Variants in TCHH observed in about 807,000 individuals in gnomAD.
The protein encoded by TCHH is trichohyalin.
In TCHH, 6 loss-of-function variants were observed where a neutral mutation model predicts 6.3. That is an observed-to-expected ratio of 0.95 (90% CI 0.52 to 1.88). The LOEUF is 1.88. Among genes scored for constraint, TCHH ranks in the 40% most tolerant of loss-of-function variants. TCHH has a pLI of 0.01. For missense variants in TCHH, 2,920 were observed against 2,449.1 expected (o/e 1.19, Z -4.06); for synonymous variants, 1,087 against 963.6 (o/e 1.13, Z -2.37).
Position 152,109,288 on chromosome 1 carries a change from C to G in TCHH, c.3929G>C (p.Arg1310Pro). 6.2e-7 allele frequency: 1 copy of G among 1,614,214 alleles called. No homozygotes were observed. The highest frequency in any genetic ancestry group is 8.5e-7 in the Non-Finnish European group (1 of 1,180,036). Residue 1310 changes from arginine (R) to proline (P), a missense_variant, in exon 3 of 3, where the codon CGC becomes CCC. Physicochemically the swap from Arg to Pro is moderately radical, Grantham distance 103. Coordinates refer to ENST00000614923, the MANE Select transcript of TCHH (RefSeq NM_007113.4). ...EREEQKEAKRRDRKSQEEKQL... is the reference protein window; with the variant it reads ...EREEQKEAKRPDRKSQEEKQL... Reference sequence around the variant, plus strand: ...CTTTTCCTCTTGGGACTTCCTGTCGCGCCTTTTGGCTTCCTTTTGCTCTTC... The same window carrying G: ...CTTTTCCTCTTGGGACTTCCTGTCGGGCCTTTTGGCTTCCTTTTGCTCTTC...
chr1:152,111,215 GC>G lies in TCHH; in HGVS notation c.2001del (p.Arg667SerfsTer6). 1 of 1,610,178 alleles carries G rather than the reference GC, an allele frequency of 6.2e-7. No homozygotes were observed. Among genetic ancestry groups the G allele is most frequent in the South Asian group, 1.1e-5 (1 of 90,694 alleles). On this transcript the variant is annotated frameshift_variant, in exon 3 of 3. Coordinates refer to ENST00000614923, the MANE Select transcript of TCHH (RefSeq NM_007113.4). LOFTEE classifies it low-confidence loss of function (END_TRUNC). Reference sequence around the variant, plus strand: ...TGCTCGCGCTTCAGCCGCTGCTCGAGCCTCTCTTCCTCCTCCTCGCGCTTCA... The same window carrying G: ...TGCTCGCGCTTCAGCCGCTGCTCGAGCTCTCTTCCTCCTCCTCGCGCTTCA... ...QRLKREEEEE[R>X]LEQRLKREHE...
chr1:152,114,343 T>G (rs1658460611), intron 1 of TCHH, among the ~76,000 whole-genome samples: 1 of 152,256 alleles, frequency 6.6e-6, no homozygotes, highest in African/African-American at 2.4e-5. Context: ...CAGCTTTTGA[T>G]TGTCCACCCA....
chr1:152,111,802 C>T lies in TCHH; in HGVS notation c.1415G>A (p.Arg472His), dbSNP rs373644325. ...CTGGTCGCGCTTCAGCTGCTGCTTG[C>T]GCCTCTCCTGCTCGTGCCTCTCCGT... ...EETERHEQER[R>H]KQQLKRDQEE... Residue 472 changes from arginine (R) to histidine (H), a missense_variant, in exon 3 of 3, where the codon CGC becomes CAC. Coordinates refer to ENST00000614923, the MANE Select transcript of TCHH (RefSeq NM_007113.4). The T allele has an allele frequency of 1.5e-5, 24 of 1,592,576 alleles. No homozygotes were observed. Among genetic ancestry groups the T allele is most frequent in the Non-Finnish European group, 2.0e-5 (24 of 1,172,326 alleles).
At position 152,109,187 on chromosome 1, in the gene TCHH, G is replaced by A. The variant is rs1658230164; in HGVS notation, c.4030C>T (p.Leu1344=). The A allele has an allele frequency of 1.2e-6, 2 of 1,614,034 alleles. No individual in the cohort carries two copies. Among genetic ancestry groups the A allele is most frequent in the South Asian group, 1.1e-5 (1 of 91,084 alleles). ...GGCTGTTCCTCCCTTTCCTGGAGCA[G>A]CTGTTCCTCCTCGCGGAATTTTCTG... ...TDRKFREEEQ[L]LQEREEQPLR... is the part of the protein sequence containing the mutation. Residue 1344 remains leucine (L), a synonymous_variant, in exon 3 of 3, where the codon CTG becomes TTG. Transcript: ENST00000614923.
At position 152,112,184 on chromosome 1, in the gene TCHH, C is replaced by G. The variant is rs1326751421; in HGVS notation, c.1033G>C (p.Glu345Gln). 16 of 1,518,028 alleles carry G rather than the reference C, an allele frequency of 1.1e-5. No homozygotes were observed. The highest frequency in any genetic ancestry group is 1.8e-4 in the Middle Eastern group (1 of 5,616). 94.0% of individuals were successfully genotyped at this position (1,518,028 alleles called of 1,614,324 possible). A position where few individuals can be genotyped will look rare whatever the true frequency, so the allele number is the denominator to read the frequency against. Reference sequence around the variant, plus strand: ...CGCCTCAGCTGCTGCTCGCGCCTCTCCTCCTGCTCGCGCCTCAGCTGCTGC... The same window carrying G: ...CGCCTCAGCTGCTGCTCGCGCCTCTGCTCCTGCTCGCGCCTCAGCTGCTGC... ...REQQLRREQE[E>Q]RREQQLRREQ... The change falls in exon 3 of 3, where the codon GAG (glutamate) becomes CAG (glutamine). Residue 345 changes from glutamate (E) to glutamine (Q), a missense_variant. By Grantham distance (29) the Glu-to-Gln change is conservative. Coordinates refer to ENST00000614923, the MANE Select transcript of TCHH (RefSeq NM_007113.4).
At position 152,112,831 on chromosome 1, in the gene TCHH, A is replaced by G. The variant is rs202181809; in HGVS notation, c.386T>C (p.Leu129Pro). The part of the protein sequence containing the change: ...QRRFEPRDRQ[L>P]EEEPGQRRRQ... ...GCGTCGTTGCCCAGGTTCTTCTTCC[A>G]GTTGTCTGTCCCGGGGCTCGAATCT... The change falls in exon 3 of 3, where the codon CTG becomes CCG. Residue 129 changes from leucine to proline, a missense_variant. Physicochemically the swap from Leu to Pro is moderately conservative, Grantham distance 98 (BLOSUM62 -3). Transcript: ENST00000614923. 2.8e-4 allele frequency: 457 copies of G among 1,613,500 alleles called. 1 individual carries two copies. Among genetic ancestry groups the G allele is most frequent in the Middle Eastern group, 1.5e-3 (9 of 6,062 alleles).
intron 2 of TCHH, 111 bp downstream of exon 2, chr1:152,113,832 C>A: frequency 8.0e-7 from 1 of 1,250,910 alleles, no homozygotes; most frequent in Non-Finnish European, 1.1e-6. Flanking sequence ...GTAGTGTAGA[C>A]CTGTTGTGGT....
rs1658242323 is a variant in TCHH, at chr1:152,109,470, C to G, written c.3747G>C (p.Gln1249His). 1 of 1,614,282 alleles carries G rather than the reference C, an allele frequency of 6.2e-7. No individual in the cohort carries two copies. The highest frequency in any genetic ancestry group is 1.3e-5 in the African/African-American group (1 of 75,084). ...GCTGGGAATCTTCCAACTGCCGGAA[C>G]TGTTCATTCTCTCTGCCTTTGCAGT... ...KVYCKGRENEQFRQLEDSQLR... is the reference protein window; with the variant it reads ...KVYCKGRENEHFRQLEDSQLR... The change falls in exon 3 of 3, where the codon CAG becomes CAC. Residue 1249 changes from glutamine to histidine, a missense_variant. Gln to His is a conservative substitution (Grantham distance 24). Transcript: ENST00000614923.
rs750091152 is a variant in TCHH, at chr1:152,111,464, TCTC to T, written c.1750_1752del (p.Glu584del). 26 of 1,571,648 alleles carry T rather than the reference TCTC, an allele frequency of 1.7e-5. No homozygotes were observed. The East Asian group carries it at 4.7e-4, about 28-fold the overall frequency. On this transcript the variant is annotated inframe_deletion, in exon 3 of 3. Coordinates refer to ENST00000614923, the MANE Select transcript of TCHH (RefSeq NM_007113.4). ...TCGCGCTTCAGCCGCTGCTGGCGCC[TCTC>T]CTCCTCGCGCTTCAGCAGCTGATCG...
Position 152,108,064 on chromosome 1 carries a change from C to T in TCHH, c.5153G>A (p.Arg1718His), listed in dbSNP as rs762903467. 6 of 1,613,756 alleles carry T rather than the reference C, an allele frequency of 3.7e-6. No individual in the cohort carries two copies. The highest frequency in any genetic ancestry group is 5.1e-6 in the Non-Finnish European group (6 of 1,179,894). The change falls in exon 3 of 3, where the codon CGC becomes CAC. Residue 1718 changes from arginine (R) to histidine (H), a missense_variant. Physicochemically the swap from Arg to His is conservative, Grantham distance 29. Coordinates refer to ENST00000614923, the MANE Select transcript of TCHH (RefSeq NM_007113.4). ...KFLQEEQQLR[R>H]QELERKFREE... ...ACGGAATTTTCTCTCCAGTTCCTGG[C>T]GGCGCAGCTGCTGTTCCTCCTGGAG... is the stretch of plus-strand genomic sequence containing the variant.
At position 152,107,965 on chromosome 1, in the gene TCHH, T is replaced by G. The variant is rs370174946; in HGVS notation, c.5252A>C (p.Glu1751Ala). ...CCTTTCCGGACGGAGCTGCTCTTCC[T>G]CTAGGATTTTTCTGTAGCGTTCTTG... ...RRQERYRKILEEEQLRPEREE... is the reference protein window; with the variant it reads ...RRQERYRKILAEEQLRPEREE... The change falls in exon 3 of 3, where the codon GAG becomes GCG. Residue 1751 changes from glutamate (E) to alanine (A), a missense_variant. Coordinates refer to ENST00000614923, the MANE Select transcript of TCHH (RefSeq NM_007113.4). 12 of 1,613,306 alleles carry G rather than the reference T, an allele frequency of 7.4e-6. No homozygotes were observed. The highest frequency in any genetic ancestry group is 1.6e-4 in the Middle Eastern group (1 of 6,078).
chr1:152,109,356 C>G lies in TCHH; in HGVS notation c.3861G>C (p.Gln1287His). 6.2e-7 allele frequency: 1 copy of G among 1,614,268 alleles called. No individual in the cohort carries two copies. Among genetic ancestry groups the G allele is most frequent in the Non-Finnish European group, 8.5e-7 (1 of 1,180,054 alleles). ...RDREQERRRWQQRDRHFPEEE... is the reference protein window; with the variant it reads ...RDREQERRRWHQRDRHFPEEE... ...CCTCTGGGAAATGCCTGTCGCGCTG[C>G]TGCCAGCGCCTCCTCTCTTGCTCAC... Residue 1287 changes from glutamine to histidine, a missense_variant, in exon 3 of 3, where the codon CAG becomes CAC. Gln to His is a conservative substitution (Grantham distance 24). Coordinates refer to ENST00000614923, the MANE Select transcript of TCHH (RefSeq NM_007113.4).
chr1:152,113,868 C>A, intron 2 of TCHH, 75 bp downstream of exon 2: 1 of 1,540,752 alleles, frequency 6.5e-7, no homozygotes, highest in Non-Finnish European at 8.8e-7. Flanking sequence ...AACCACCATT[C>A]CTTGCTCTGG....
rs1234209636 is a variant in TCHH at position 152,109,611 on chromosome 1, C to G, written c.3606G>C (p.Glu1202Asp). 2 of 1,614,122 alleles carry G rather than the reference C, an allele frequency of 1.2e-6. No individual in the cohort carries two copies. The highest frequency in any genetic ancestry group is 1.6e-4 in the Middle Eastern group (1 of 6,062). ...TCCTTTTCTGGCGCTGAAGCTCTTC[C>G]TCCTCCCGATACTGCCTCTCCCGCT... ...RQERERQYRE[E>D]EELQRQKRKQ... Residue 1202 changes from glutamate (E) to aspartate (D), a missense_variant, in exon 3 of 3, where the codon GAG becomes GAC. By Grantham distance (45) the Glu-to-Asp change is conservative (BLOSUM62 2). Coordinates refer to ENST00000614923, the MANE Select transcript of TCHH (RefSeq NM_007113.4).
In TCHH at chr1:152,107,215, A is replaced by T. The variant is rs576184619; in HGVS notation, c.*170T>A. On this transcript the variant is annotated 3_prime_UTR_variant, in exon 3 of 3. Transcript: ENST00000614923. Reference sequence around the variant, plus strand: ...TACTTGAGGAAGAATAAAAAGCAGAAGTACAAAGTGCGTAAAATGAGCGTA... The same window carrying T: ...TACTTGAGGAAGAATAAAAAGCAGATGTACAAAGTGCGTAAAATGAGCGTA... The T allele has an allele frequency of 1.6e-6, 1 of 633,972 alleles. No homozygotes were observed. The highest frequency in any genetic ancestry group is 2.7e-5 in the East Asian group (1 of 37,164). The allele number at this position is 633,972 out of a possible 1,614,324, so 39.3% of individuals were successfully genotyped here.
At position 152,112,797 on chromosome 1, in the gene TCHH, C is replaced by T; in HGVS notation, c.420G>A (p.Lys140=). 1 of 1,614,006 alleles carries T rather than the reference C, an allele frequency of 6.2e-7. No homozygotes were observed. The highest frequency in any genetic ancestry group is 8.5e-7 in the Non-Finnish European group (1 of 1,180,006). Residue 140 remains lysine (K), a synonymous_variant, in exon 3 of 3, where the codon AAG becomes AAA. Coordinates refer to ENST00000614923, the MANE Select transcript of TCHH (RefSeq NM_007113.4). The stretch of plus-strand genomic sequence containing the variant: ...CTAGCTCCCTCTCCTGTTCCTGCCT[C>T]TTCTGCCTGCGTCGTTGCCCAGGTT... ...EEEPGQRRRQ[K]RQEQERELAE...
At chr1:152,114,237 T>C in intron 1 of TCHH, 126 bp from the exon 2 acceptor site, 1 of 640,404 alleles carries the variant, frequency 1.6e-6, no homozygotes, top group Non-Finnish European at 2.5e-6. Flanking sequence ...ACCTGGACTT[T>C]CAGAGCACTT....
chr1:152,110,756 G>A lies in TCHH; in HGVS notation c.2461C>T (p.Arg821Cys), dbSNP rs1267685027. The change falls in exon 3 of 3, where the codon CGC (arginine) becomes TGC (cysteine). Residue 821 changes from arginine (R) to cysteine (C), a missense_variant. Transcript: ENST00000614923. Reference protein sequence around the residue: ...LPEEEEKEQRRRQRREREKEL... With the variant: ...LPEEEEKEQRCRQRREREKEL... ...TTCTCCCTCTCGCGTCGCTGGCGGC[G>A]CCGCTGCTCCTTCTCCTCCTCCTCC... is the stretch of plus-strand genomic sequence containing the variant. 1.2e-5 allele frequency: 19 copies of A among 1,608,106 alleles called. No individual in the cohort carries two copies. The highest frequency in any genetic ancestry group is 2.2e-5 in the East Asian group (1 of 44,874).
chr1:152,112,084 C>T lies in TCHH; in HGVS notation c.1133G>A (p.Arg378Lys), dbSNP rs1252713103. 6.5e-7 allele frequency: 1 copy of T among 1,541,102 alleles called. No homozygotes were observed. Among genetic ancestry groups the T allele is most frequent in the Non-Finnish European group, 8.6e-7 (1 of 1,157,494 alleles). The change falls in exon 3 of 3, where the codon AGG (arginine) becomes AAG (lysine). Residue 378 changes from arginine to lysine, a missense_variant. By Grantham distance (26) the Arg-to-Lys change is conservative (BLOSUM62 2). Transcript: ENST00000614923. ...QEEERREQQLRREQQLRREQQ... is the reference protein window; with the variant it reads ...QEEERREQQLKREQQLRREQQ... ...CTCGCGCCTCAGCTGCTGCTCGCGCCTCAGCTGCTGCTCGCGCCTCTCCTC... is the reference window on the plus strand; with the variant it reads ...CTCGCGCCTCAGCTGCTGCTCGCGCTTCAGCTGCTGCTCGCGCCTCTCCTC...
Sources: allele counts gnomAD v4.1 joint callset (sites outside exome capture counted in the v4.1 genomes callset), GRCh38; gene constraint gnomAD v4.1.1; transcripts MANE v1.5; gene names NCBI Gene and HGNC (gene_info 2026-07-23, HGNC 2026-07-21).